Variants in STXBP6 observed in about 807,000 individuals in gnomAD.
STXBP6 encodes syntaxin binding protein 6.
A neutral mutation model predicts 26.9 loss-of-function variants in STXBP6; 21 were observed. The observed-to-expected ratio is 0.78, with a 90% CI of 0.55 to 1.12. STXBP6 has a LOEUF of 1.12. Among genes scored for constraint, STXBP6 ranks in the 50% most tolerant of loss-of-function variants. The pLI is 0.00. For missense variants in STXBP6, 232 were observed against 257.9 expected, an observed-to-expected ratio of 0.90 and a Z score of 0.69; for synonymous variants, 97 against 92.6, an observed-to-expected ratio of 1.05 and a Z score of -0.27.
chr14:24,932,130 T>C (rs548644636), intron 2 of STXBP6, among the ~76,000 whole-genome samples: 19 of 152,228 alleles, frequency 1.2e-4, no homozygotes, highest in East Asian at 3.9e-4. Context: ...AGATTTGGGC[T>C]GGGCACGGTG....
intron 2 of STXBP6, among the ~76,000 whole-genome samples, chr14:24,875,928 C>T (rs754217677): frequency 1.3e-5 from 2 of 151,850 alleles, no homozygotes; most frequent in Non-Finnish European, 2.9e-5. Context: ...AGTTCCTAAG[C>T]GTTGAAATAG....
intron 4 of STXBP6, among the ~76,000 whole-genome samples, chr14:24,854,131 G>A (rs569920901): frequency 6.6e-6 from 1 of 152,234 alleles, no homozygotes; most frequent in East Asian, 1.9e-4. Flanking sequence ...TCCTAGAGAA[G>A]AAATGAGACC....
intron 1 of STXBP6, among the ~76,000 whole-genome samples, chr14:24,979,325 G>C (rs543651646): frequency 6.6e-6 from 1 of 152,184 alleles, no homozygotes; most frequent in African/African-American, 2.4e-5. Context: ...TCATAAGCTA[G>C]TTAATGTGTC....
chr14:24,854,580 C>T (rs1450392640), intron 4 of STXBP6, among the ~76,000 whole-genome samples: 1 of 152,040 alleles, frequency 6.6e-6, no homozygotes, highest in East Asian at 1.9e-4. Flanking sequence ...GCAAACTCCA[C>T]CTAATGAAGA....
At chr14:25,027,487 TC>T (rs1456197592) in intron 1 of STXBP6, among the ~76,000 whole-genome samples, 1 of 152,132 alleles carries the variant, frequency 6.6e-6, no homozygotes, top group Non-Finnish European at 1.5e-5. Flanking sequence ...TGTCCCGGTC[TC>T]TATCCCTTCG....
chr14:25,044,695 A>G (rs568912324), intron 1 of STXBP6, among the ~76,000 whole-genome samples: 1 of 152,364 alleles, frequency 6.6e-6, no homozygotes, highest in South Asian at 2.1e-4. Flanking sequence ...GGCTCACTGC[A>G]GCCTTGACCT....
intron 1 of STXBP6, among the ~76,000 whole-genome samples, chr14:24,992,618 C>A (rs765464581): frequency 6.6e-6 from 1 of 152,220 alleles, no homozygotes; most frequent in Non-Finnish European, 1.5e-5. Flanking sequence ...GACGTCACTG[C>A]GTTCTAGTAA....
At position 24,819,169 on chromosome 14, in the gene STXBP6, A is replaced by C. The variant is rs759501871; in HGVS notation, c.477T>G (p.Ala159=). Residue 159 remains alanine, a synonymous_variant, in exon 5 of 6, where the codon GCT becomes GCG. Transcript: ENST00000323944. The part of the protein sequence containing the change: ...MGGNSILHSA[A]DSVTSAVQKA... ...TCTGCACTGCGCTGGTCACGCTGTC[A>C]GCAGCTGAATGGAGGATGCTGTTTC... is the stretch of plus-strand genomic sequence containing the variant. The C allele has an allele frequency of 1.4e-5, 23 of 1,614,056 alleles. No homozygotes were observed. In the African/African-American group the frequency reaches 2.7e-4, roughly 19 times the overall value.
At chr14:24,848,529 C>G (rs1482046869) in intron 4 of STXBP6, among the ~76,000 whole-genome samples, 1 of 152,042 alleles carries the variant, frequency 6.6e-6, no homozygotes, top group African/African-American at 2.4e-5. Flanking sequence ...TTGGAAGTAC[C>G]TTTACGTAAG....
intron 2 of STXBP6, among the ~76,000 whole-genome samples, chr14:24,948,302 ATAAT>A (rs1476409041): frequency 6.6e-6 from 1 of 152,050 alleles, no homozygotes; most frequent in Non-Finnish European, 1.5e-5. Context: ...AAGGAAAACT[ATAAT>A]GGTTATGAAA....
At position 25,049,225 on chromosome 14, in the gene STXBP6, C is replaced by G. The variant is rs914627563; in HGVS notation, c.-33+653G>C. The G allele has an allele frequency of 8.2e-5, 81 of 985,318 alleles. 1 individual carries two copies. The South Asian group carries it at 1.6e-3, about 19-fold the overall frequency. 61.0% of individuals were successfully genotyped at this position (985,318 alleles called of 1,614,324 possible). ...CACCCACCTACTCCAGCCACGTTGC[C>G]CGGCGGTGTTGGTGAGGCTCGATGC... On this transcript the variant is annotated intron_variant, in intron 1 of 5. Coordinates refer to ENST00000323944, the MANE Select transcript of STXBP6 (RefSeq NM_001394410.1). The surrounding 1 kb of genome is among the most constrained non-coding windows in gnomAD (Gnocchi z 5.6).
intron 2 of STXBP6, among the ~76,000 whole-genome samples, chr14:24,895,365 C>T (rs2070949809): frequency 6.6e-6 from 1 of 152,196 alleles, no homozygotes; most frequent in Admixed American, 6.5e-5. Flanking sequence ...AATGTGCTTA[C>T]ATTCTATCTA....
At chr14:24,941,178 G>A (rs1266730321) in intron 2 of STXBP6, among the ~76,000 whole-genome samples, 1 of 152,112 alleles carries the variant, frequency 6.6e-6, no homozygotes, top group Admixed American at 6.6e-5. Context: ...TACTAGTACT[G>A]AGCATATGCC....
chr14:24,921,897 G>A (rs938206179), intron 2 of STXBP6, among the ~76,000 whole-genome samples: 2 of 151,772 alleles, frequency 1.3e-5, no homozygotes, highest in African/African-American at 4.8e-5. Flanking sequence ...CCTTTCTATT[G>A]TTGGGTCCCT....
intron 2 of STXBP6, among the ~76,000 whole-genome samples, chr14:24,956,533 T>C (rs1040107801): frequency 3.9e-5 from 6 of 152,216 alleles, no homozygotes; most frequent in Non-Finnish European, 8.8e-5. Flanking sequence ...CAGGGAATTC[T>C]AGCTTTTCTG....
At chr14:24,819,296 T>C in intron 4 of STXBP6, 102 bp from the exon 5 acceptor site, 1 of 1,373,912 alleles carries the variant, frequency 7.3e-7, no homozygotes, top group Non-Finnish European at 1.0e-6. Flanking sequence ...CAGGTCACAC[T>C]GCAGAAAGGC....
intron 2 of STXBP6, among the ~76,000 whole-genome samples, chr14:24,866,401 G>A (rs1242927963): frequency 6.6e-6 from 1 of 152,026 alleles, no homozygotes; most frequent in African/African-American, 2.4e-5. Flanking sequence ...GTACATATGT[G>A]TGTATATATA....
rs113094869 is a variant in STXBP6, at chr14:24,822,431, G to T, written c.452-3237C>A. On this transcript the variant is annotated intron_variant, in intron 4 of 5. Transcript: ENST00000323944. ...GTTCAAAGCATACAAACATTTTTAG[G>T]CTCTTGGTGTATGTTGAAAATTGCT... Among the ~76,000 whole-genome samples, 16 of 152,160 alleles carry T rather than the reference G, an allele frequency of 1.1e-4. 2 individuals carry two copies. The highest frequency in any genetic ancestry group is 3.6e-4 in the African/African-American group (15 of 41,510).
chr14:25,045,167 T>G (rs1450303207), intron 1 of STXBP6, among the ~76,000 whole-genome samples: 15 of 152,158 alleles, frequency 9.9e-5, no homozygotes, highest in Admixed American at 9.8e-4. Context: ...AAAAGATACA[T>G]ATATAACCTC....
Sources: allele counts gnomAD v4.1 joint callset (sites outside exome capture counted in the v4.1 genomes callset), GRCh38; gene constraint gnomAD v4.1.1; non-coding constraint Gnocchi (gnomAD v3.1); transcripts MANE v1.5; gene names NCBI Gene and HGNC (gene_info 2026-07-23, HGNC 2026-07-21).